Variants in SGCZ observed in about 807,000 individuals in gnomAD.
SGCZ encodes the protein sarcoglycan zeta, also known as zeta-sarcoglycan.
Under a neutral mutation model 41.3 loss-of-function variants are expected in SGCZ, and 40 were observed. The observed-to-expected ratio is 0.97, with a 90% CI of 0.75 to 1.26. The LOEUF (loss-of-function observed/expected upper bound fraction) is 1.26. SGCZ is among the 50% of genes most tolerant of loss of function. The pLI, the probability that SGCZ is intolerant of heterozygous loss-of-function variation, is 0.00. For missense variants in SGCZ, 552 were observed against 369.8 expected (o/e 1.49, Z -4.04); for synonymous variants, 206 against 137.5 (o/e 1.50, Z -3.49).
chr8:14,850,358 A>T (rs920942344), intron 1 of SGCZ, among the ~76,000 whole-genome samples: 1 of 152,180 alleles, frequency 6.6e-6, no homozygotes, highest in Non-Finnish European at 1.5e-5. Context: ...GGAGGTAAAG[A>T]AACATTAGCA....
At chr8:14,607,006 A>T (rs17251054) in intron 1 of SGCZ, among the ~76,000 whole-genome samples, 24,032 of 152,188 alleles carry the variant, frequency 0.16, 2,349 homozygotes, top group Non-Finnish European at 0.21. Flanking sequence ...TATTCATCAT[A>T]TAATCAGGCA....
intron 1 of SGCZ, among the ~76,000 whole-genome samples, chr8:14,616,295 G>GA (rs1806103092): frequency 7.0e-6 from 1 of 142,588 alleles, no homozygotes; most frequent in Non-Finnish European, 1.5e-5. Context: ...AAAAAAAAAA[G>GA]AAAAAAAGAA....
intron 2 of SGCZ, among the ~76,000 whole-genome samples, chr8:14,440,654 T>C (rs2117366370): frequency 6.6e-6 from 1 of 150,688 alleles, no homozygotes; most frequent in African/African-American, 2.5e-5. Flanking sequence ...CATATACATG[T>C]ATATATGTGT....
chr8:14,831,498 C>T (rs1802524999), intron 1 of SGCZ, among the ~76,000 whole-genome samples: 3 of 152,150 alleles, frequency 2.0e-5, no homozygotes, highest in South Asian at 4.2e-4. Flanking sequence ...AGATAGACAT[C>T]GACTTGAACT....
chr8:14,797,937 C>A (rs972305188), intron 1 of SGCZ, among the ~76,000 whole-genome samples: 1 of 152,198 alleles, frequency 6.6e-6, no homozygotes, highest in African/African-American at 2.4e-5. Context: ...AAGTCAAGAA[C>A]TGAGATTTGG....
Position 15,200,901 on chromosome 8 carries a change from A to C in SGCZ, c.39+36684T>G, listed in dbSNP as rs148388841. 7.7e-3 allele frequency among the ~76,000 whole-genome samples: 1,175 copies of C among 152,312 alleles called. 13 individuals carry two copies. Among genetic ancestry groups the C allele is most frequent in the African/African-American group, 0.025 (1,050 of 41,564 alleles). On this transcript the variant is annotated intron_variant, in intron 1 of 7. Coordinates refer to ENST00000382080, the MANE Select transcript of SGCZ (RefSeq NM_139167.4). ...TCATAGGAATTCTAATCAAAACTCA[A>C]ATTGAAATGTACATTCTGTTGGTCT...
At chr8:14,907,685 A>C (rs1585368220) in intron 1 of SGCZ, among the ~76,000 whole-genome samples, 1 of 152,140 alleles carries the variant, frequency 6.6e-6, no homozygotes, top group Non-Finnish European at 1.5e-5. Context: ...CAAAAAATAA[A>C]ATAAAGAATA....
intron 1 of SGCZ, among the ~76,000 whole-genome samples, chr8:15,117,955 T>C (rs1423257665): frequency 6.6e-6 from 1 of 152,234 alleles, no homozygotes; most frequent in Non-Finnish European, 1.5e-5. Context: ...GAGAGAAACA[T>C]CTGTTTACAC....
chr8:14,549,819 T>C (rs528419665), intron 2 of SGCZ, among the ~76,000 whole-genome samples: 1 of 152,116 alleles, frequency 6.6e-6, no homozygotes, highest in African/African-American at 2.4e-5. Flanking sequence ...AAGAAACAAG[T>C]AAATAAGGAA....
chr8:14,679,259 G>A (rs957403810), intron 1 of SGCZ, among the ~76,000 whole-genome samples: 1 of 151,978 alleles, frequency 6.6e-6, no homozygotes, highest in Non-Finnish European at 1.5e-5. Context: ...TTTAGAGTGT[G>A]CTTCTTTTGC....
At chr8:14,954,411 A>G (rs1585409319) in intron 1 of SGCZ, among the ~76,000 whole-genome samples, 1 of 152,224 alleles carries the variant, frequency 6.6e-6, no homozygotes, top group East Asian at 1.9e-4. Flanking sequence ...ATTTCCTGCC[A>G]CTGGTTTCAT....
At chr8:14,332,876 T>C (rs1802386421) in intron 2 of SGCZ, among the ~76,000 whole-genome samples, 2 of 150,522 alleles carry the variant, frequency 1.3e-5, no homozygotes, top group African/African-American at 2.4e-5. Flanking sequence ...CTATATAGGT[T>C]TGTATATATT....
chr8:14,627,779 G>A (rs1247144568), intron 1 of SGCZ, among the ~76,000 whole-genome samples: 7 of 151,598 alleles, frequency 4.6e-5, no homozygotes, highest in African/African-American at 1.7e-4. Context: ...TCATGAATAC[G>A]TCTGCTGACC....
chr8:14,690,638 A>C (rs1282144824), intron 1 of SGCZ: 4 of 152,160 alleles, frequency 2.6e-5, no homozygotes, highest in Admixed American at 2.0e-4. Flanking sequence ...TCACACATTT[A>C]ACCTAAACTG....
chr8:14,481,985 T>A (rs962754192), intron 2 of SGCZ, among the ~76,000 whole-genome samples: 10 of 152,220 alleles, frequency 6.6e-5, no homozygotes, highest in African/African-American at 2.4e-4. Context: ...GACCACACCA[T>A]TGACAGCAGA....
chr8:14,369,909 A>T (rs541473192), intron 2 of SGCZ, among the ~76,000 whole-genome samples: 6 of 152,150 alleles, frequency 3.9e-5, no homozygotes, highest in African/African-American at 1.4e-4. Context: ...TTAAGTAATT[A>T]ATTTCTATTT....
chr8:14,728,635 T>C (rs1016073329), intron 1 of SGCZ, among the ~76,000 whole-genome samples: 2 of 152,142 alleles, frequency 1.3e-5, no homozygotes, highest in Non-Finnish European at 2.9e-5. Flanking sequence ...AAATGTGTGA[T>C]GAAAATTGAC....
chr8:14,288,519 T>A (rs944451006), intron 3 of SGCZ, among the ~76,000 whole-genome samples: 5 of 152,134 alleles, frequency 3.3e-5, no homozygotes, highest in African/African-American at 1.2e-4. Context: ...TTCATACAAA[T>A]GGGCTTATAT....
chr8:14,649,804 T>C (rs970607161), intron 1 of SGCZ, among the ~76,000 whole-genome samples: 2 of 152,036 alleles, frequency 1.3e-5, no homozygotes, highest in African/African-American at 2.4e-5. Context: ...CAGGAATAAA[T>C]TGTACTTCCA....
Sources: gnomAD v4.1 joint callset for allele counts (sites outside exome capture counted in the v4.1 genomes callset) on GRCh38, gnomAD v4.1.1 for gene constraint, MANE v1.5 for transcripts, NCBI Gene and HGNC (gene_info 2026-07-23, HGNC 2026-07-21) for gene names.